Variants in KLF12 observed in about 807,000 individuals in gnomAD.
The protein encoded by KLF12 is Krueppel-like factor 12.
A neutral mutation model predicts 37.8 loss-of-function variants in KLF12; 9 were observed. The observed-to-expected ratio is 0.24, with a 90% CI of 0.14 to 0.42. The LOEUF (loss-of-function observed/expected upper bound fraction) is 0.42, where lower values mean the gene tolerates loss of function less well. KLF12 is among the 10% of genes least tolerant of loss of function. KLF12 has a pLI of 1.00. For synonymous variants in KLF12, 208 were observed against 202.1 expected, an observed-to-expected ratio of 1.03 and a Z score of -0.25; for missense variants, 411 against 516.0, an observed-to-expected ratio of 0.80 and a Z score of 1.97.
chr13:74,030,759 G>C (rs920773761), intron 1 of KLF12, among the ~76,000 whole-genome samples: 9 of 152,208 alleles, frequency 5.9e-5, no homozygotes, highest in African/African-American at 1.9e-4. Flanking sequence ...TGACATTTAA[G>C]ATAGCATCTT....
chr13:74,123,639 C>A (rs539088947), intron 1 of KLF12, among the ~76,000 whole-genome samples: 9 of 152,316 alleles, frequency 5.9e-5, no homozygotes, highest in Admixed American at 5.2e-4. Flanking sequence ...TGGGCTGTTA[C>A]ATATGGATTC....
intron 4 of KLF12, among the ~76,000 whole-genome samples, chr13:73,824,219 G>C (rs1332533200): frequency 6.6e-6 from 1 of 151,932 alleles, no homozygotes; most frequent in African/African-American, 2.4e-5. Flanking sequence ...CACTTCACAA[G>C]AGTTACTGTG....
intron 1 of KLF12, among the ~76,000 whole-genome samples, chr13:74,050,417 A>C (rs1056462292): frequency 2.0e-5 from 3 of 152,318 alleles, no homozygotes; most frequent in African/African-American, 7.2e-5. Context: ...GTACACAAAG[A>C]AGGAAAAAAT....
intron 2 of KLF12, 38 bp from the exon 3 acceptor site, chr13:73,944,108 A>G: frequency 7.7e-7 from 1 of 1,301,716 alleles, no homozygotes; most frequent in Non-Finnish European, 1.1e-6. Context: ...TCAGCTCTAA[A>G]GCATTCAAAA....
At chr13:73,840,657 A>G (rs542890541) in intron 4 of KLF12, among the ~76,000 whole-genome samples, 2 of 152,134 alleles carry the variant, frequency 1.3e-5, no homozygotes, top group South Asian at 2.1e-4. Context: ...CTCCTTCCCC[A>G]TATTCTTTAC....
the KLF12 span, among the ~76,000 whole-genome samples, chr13:74,219,064 CT>C: frequency 6.6e-6 from 1 of 151,526 alleles, no homozygotes; most frequent in Non-Finnish European, 1.5e-5. Context: ...TCAAGTGATT[CT>C]CCTGCCTCAG....
intron 1 of KLF12, among the ~76,000 whole-genome samples, chr13:74,080,461 C>T (rs544151951): frequency 1.3e-5 from 2 of 151,598 alleles, no homozygotes; most frequent in African/African-American, 2.4e-5. Context: ...TTGCACAACA[C>T]TGTGAATATA....
Position 73,717,397 on chromosome 13 carries a change from G to A in KLF12, c.870-1872C>T, listed in dbSNP as rs546575028. On this transcript the variant is annotated intron_variant, in intron 6 of 7. Transcript: ENST00000377669. ...TATGGAATTAGATGAAACATGGCAG[G>A]AGTCCAGTGAATATTCATTGCCATT... 2.2e-4 allele frequency among the ~76,000 whole-genome samples: 33 copies of A among 152,358 alleles called. No individual in the cohort carries two copies. In the East Asian group the frequency reaches 4.1e-3, roughly 19 times the overall value.
At chr13:74,232,546 A>G in the KLF12 span, among the ~76,000 whole-genome samples, 1 of 152,194 alleles carries the variant, frequency 6.6e-6, no homozygotes, top group African/African-American at 2.4e-5. Flanking sequence ...CTAAACCTAA[A>G]AAAGGATAAG....
At chr13:73,799,434 A>G (rs557177708) in intron 5 of KLF12, among the ~76,000 whole-genome samples, 13 of 152,040 alleles carry the variant, frequency 8.6e-5, no homozygotes, top group Non-Finnish European at 1.5e-4. Context: ...AAATATATAT[A>G]TATTTTTAAA....
At chr13:74,270,845 G>A in the KLF12 span, among the ~76,000 whole-genome samples, 2 of 152,208 alleles carry the variant, frequency 1.3e-5, no homozygotes, top group African/African-American at 4.8e-5. Flanking sequence ...GGGTAGTTAG[G>A]GTTAGACTTG....
intron 1 of KLF12, among the ~76,000 whole-genome samples, chr13:74,041,766 A>G (rs1374581234): frequency 2.0e-5 from 3 of 151,874 alleles, no homozygotes; most frequent in Non-Finnish European, 4.4e-5. Flanking sequence ...CACTCAGGGC[A>G]GAATAGCAAA....
chr13:74,222,070 G>A, the KLF12 span, among the ~76,000 whole-genome samples: 7 of 152,224 alleles, frequency 4.6e-5, no homozygotes, highest in East Asian at 9.6e-4. Context: ...AAAGATGAAT[G>A]TCTACGTAGG....
intron 3 of KLF12, among the ~76,000 whole-genome samples, chr13:73,933,425 G>T (rs888382193): frequency 6.6e-6 from 1 of 152,030 alleles, no homozygotes; most frequent in African/African-American, 2.4e-5. Context: ...AATTTCTCTT[G>T]ATAGGTTTTT....
chr13:73,832,593 T>G (rs1884221122), intron 4 of KLF12, among the ~76,000 whole-genome samples: 2 of 152,214 alleles, frequency 1.3e-5, no homozygotes, highest in Non-Finnish European at 2.9e-5. Context: ...AAAGCTATTT[T>G]AGATTCGTGC....
chr13:74,103,545 C>T (rs1026652016), intron 1 of KLF12, among the ~76,000 whole-genome samples: 2 of 152,146 alleles, frequency 1.3e-5, no homozygotes, highest in Admixed American at 6.6e-5. Context: ...CCTAAGCACA[C>T]CCCCCAGCGA....
intron 2 of KLF12, among the ~76,000 whole-genome samples, chr13:73,993,897 C>A (rs1344132021): frequency 6.6e-6 from 1 of 152,162 alleles, no homozygotes; most frequent in African/African-American, 2.4e-5. Context: ...TTTACTAACA[C>A]ACCACTGATC....
At chr13:73,715,914 A>G (rs1875767472) in intron 6 of KLF12, among the ~76,000 whole-genome samples, 5 of 152,214 alleles carry the variant, frequency 3.3e-5, no homozygotes, top group Admixed American at 3.3e-4. Context: ...GCTATAGACA[A>G]ATGACAAAAT....
rs563287812 is a variant in KLF12, at chr13:73,969,026, C to T, written c.34-24956G>A. On this transcript the variant is annotated intron_variant, in intron 2 of 7. Coordinates refer to ENST00000377669, the MANE Select transcript of KLF12 (RefSeq NM_007249.5). ...TCACATCTCTCTCCCTTACCCCATA[C>T]TTTAAAAAAAAAAAAAAAACCTATA... Among the ~76,000 whole-genome samples the T allele has an allele frequency of 0.01, 417 of 40,450 alleles. 9 individuals are homozygous for T. The South Asian group carries it at 0.15, about 14-fold the overall frequency. The allele number at this position is 40,450 out of a possible 152,430, so 26.5% of individuals were successfully genotyped here.
Sources: gnomAD v4.1 joint callset for allele counts (sites outside exome capture counted in the v4.1 genomes callset) on GRCh38, gnomAD v4.1.1 for gene constraint, MANE v1.5 for transcripts, NCBI Gene and HGNC (gene_info 2026-07-23, HGNC 2026-07-21) for gene names.